The following RHOBTB1 variants were observed in gnomAD, a reference collection of about 807,000 sequenced individuals.
RHOBTB1 encodes rho-related BTB domain-containing protein 1.
Under a neutral mutation model 71.6 loss-of-function variants are expected in RHOBTB1, and 40 were observed. That is an observed-to-expected ratio of 0.56 (90% CI 0.43 to 0.73). The LOEUF is 0.73. Ranked by LOEUF, RHOBTB1 falls within the 30% of genes least tolerant of loss-of-function variation. The probability of loss-of-function intolerance (pLI) is 0.00; values close to 1 mark genes in which losing one functional copy is unlikely to be tolerated. For synonymous variants in RHOBTB1, 319 were observed against 334.9 expected (o/e 0.95, Z 0.52); for missense variants, 797 against 894.0 (o/e 0.89, Z 1.38).
chr10:60,911,440 C>T lies in RHOBTB1; in HGVS notation c.103G>A (p.Ala35Thr). 1 of 1,614,190 alleles carries T rather than the reference C, an allele frequency of 6.2e-7. No homozygotes were observed. Among genetic ancestry groups the T allele is most frequent in the Admixed American group, 1.7e-5 (1 of 60,024 alleles). Residue 35 changes from alanine to threonine, a missense_variant, in exon 3 of 11, where the codon GCG becomes ACG. This residue lies in a region of RHOBTB1 where 139 missense variants were observed against 212.5 expected (regional missense o/e 0.65). Coordinates refer to ENST00000337910, the MANE Select transcript of RHOBTB1 (RefSeq NM_014836.5). ...VGKTRLICARACNTTLTQYQL... is the reference protein window; with the variant it reads ...VGKTRLICARTCNTTLTQYQL... ...TACTGCGTGAGTGTGGTGTTGCACG[C>T]CCTGGCACAGATCAAGCGCGTCTTC... is the stretch of plus-strand genomic sequence containing the variant.
At chr10:60,988,299 T>A (rs958915085) in intron 1 of RHOBTB1, among the ~76,000 whole-genome samples, 1 of 152,194 alleles carries the variant, frequency 6.6e-6, no homozygotes, top group Non-Finnish European at 1.5e-5. Flanking sequence ...TTTTATTTTT[T>A]AAAAAATATA....
chr10:60,861,992 C>T, the RHOBTB1 span, among the ~76,000 whole-genome samples: 1 of 152,088 alleles, frequency 6.6e-6, no homozygotes. Flanking sequence ...TGGAGAAGAT[C>T]TTTGTTAGTT....
intron 2 of RHOBTB1, among the ~76,000 whole-genome samples, chr10:60,929,882 A>G (rs554570988): frequency 1.3e-5 from 2 of 152,272 alleles, no homozygotes; most frequent in East Asian, 3.9e-4. Flanking sequence ...AATATCCCAC[A>G]TTTTTTAAAC....
chr10:60,910,322 C>CT (rs2082901785), intron 4 of RHOBTB1, among the ~76,000 whole-genome samples: 1 of 151,966 alleles, frequency 6.6e-6, no homozygotes, highest in African/African-American at 2.4e-5. Flanking sequence ...TTTTTTTCTC[C>CT]TTTTTAAAAA....
At chr10:60,867,791 A>G (rs1463344832), downstream of RHOBTB1, among the ~76,000 whole-genome samples, 4 of 152,232 alleles carry the variant, frequency 2.6e-5, no homozygotes, top group African/African-American at 9.6e-5. Flanking sequence ...TTACTTCTAC[A>G]GAAGTGTAGC....
intron 1 of RHOBTB1, among the ~76,000 whole-genome samples, chr10:60,993,593 T>C (rs1022228867): frequency 2.0e-5 from 3 of 152,180 alleles, no homozygotes; most frequent in Non-Finnish European, 1.5e-5. Flanking sequence ...ATTTTCAGTA[T>C]GAATCTCTCT....
chr10:60,900,821 GCCATGTAATA>G (rs1298076117), intron 4 of RHOBTB1, among the ~76,000 whole-genome samples: 1 of 152,118 alleles, frequency 6.6e-6, no homozygotes, highest in African/African-American at 2.4e-5. Context: ...CTGAAAGACT[GCCATGTAATA>G]CCTCTGGTAT....
At chr10:60,949,590 C>A (rs1194538018) in intron 2 of RHOBTB1, among the ~76,000 whole-genome samples, 1 of 150,238 alleles carries the variant, frequency 6.7e-6, no homozygotes, top group East Asian at 2.0e-4. Context: ...TTCCTAAAAG[C>A]TACAGCTGGA....
At chr10:60,872,349 A>C in intron 9 of RHOBTB1, 59 bp from the exon 10 acceptor site, 1 of 1,234,246 alleles carries the variant, frequency 8.1e-7, no homozygotes, top group East Asian at 2.3e-5. Context: ...GCTACAAAGA[A>C]ATTGGGGAAG....
intron 2 of RHOBTB1, among the ~76,000 whole-genome samples, chr10:60,914,699 T>C (rs2083177459): frequency 6.6e-6 from 1 of 152,158 alleles, no homozygotes; most frequent in Admixed American, 6.5e-5. Context: ...GAAGATTACT[T>C]TGAGAGTAAC....
At chr10:60,890,657 T>C (rs2081872396) in intron 5 of RHOBTB1, among the ~76,000 whole-genome samples, 1 of 152,166 alleles carries the variant, frequency 6.6e-6, no homozygotes. Flanking sequence ...ATATTTGGCC[T>C]TTAACACCAA....
At chr10:60,878,630 A>C (rs1306593131) in intron 7 of RHOBTB1, among the ~76,000 whole-genome samples, 2 of 152,376 alleles carry the variant, frequency 1.3e-5, no homozygotes, top group East Asian at 3.9e-4. Flanking sequence ...GAACTACTGG[A>C]ACGTTATCAG....
chr10:60,973,044 C>T (rs2086212135), intron 2 of RHOBTB1, among the ~76,000 whole-genome samples: 1 of 151,932 alleles, frequency 6.6e-6, no homozygotes. Flanking sequence ...GCAACAAAGG[C>T]AAAAGCCAAG....
chr10:60,962,174 A>G (rs116366278), intron 2 of RHOBTB1, among the ~76,000 whole-genome samples: 406 of 152,212 alleles, frequency 2.7e-3, no homozygotes, highest in African/African-American at 9.4e-3. Context: ...GGAAATTTTC[A>G]TAATGAGCCA....
At chr10:60,896,468 C>T (rs1473972980) in intron 4 of RHOBTB1, among the ~76,000 whole-genome samples, 1 of 152,120 alleles carries the variant, frequency 6.6e-6, no homozygotes, top group Non-Finnish European at 1.5e-5. Flanking sequence ...GGGTAAAAAG[C>T]ATAAGAATTC....
At chr10:60,969,210 A>G (rs977389187) in intron 2 of RHOBTB1, among the ~76,000 whole-genome samples, 7 of 152,116 alleles carry the variant, frequency 4.6e-5, no homozygotes, top group Admixed American at 6.6e-5. Flanking sequence ...CAAAACAAAC[A>G]AAAAACCTAA....
At chr10:60,874,565 C>T (rs575481269) in intron 9 of RHOBTB1, among the ~76,000 whole-genome samples, 30 of 152,300 alleles carry the variant, frequency 2.0e-4, no homozygotes, top group African/African-American at 7.0e-4. Flanking sequence ...AGAACAGCTG[C>T]AATGAGATGT....
chr10:60,970,545 C>A (rs1460119282), intron 2 of RHOBTB1, among the ~76,000 whole-genome samples: 1 of 151,966 alleles, frequency 6.6e-6, no homozygotes, highest in African/African-American at 2.4e-5. Context: ...TCACATTTAC[C>A]TGAGGAACTA....
rs762038663 is a variant in RHOBTB1 at position 60,911,509 on chromosome 10, C to T, written c.34G>A (p.Val12Ile). 1.8e-5 allele frequency: 29 copies of T among 1,614,080 alleles called. No homozygotes were observed. The highest frequency in any genetic ancestry group is 2.2e-5 in the East Asian group (1 of 44,890). Residue 12 changes from valine to isoleucine, a missense_variant, in exon 3 of 11, where the codon GTT (valine) becomes ATT (isoleucine). Physicochemically the swap from Val to Ile is conservative, Grantham distance 29 (BLOSUM62 3). This residue lies in a region of RHOBTB1 where 139 missense variants were observed against 212.5 expected (regional missense o/e 0.65). Coordinates refer to ENST00000337910, the MANE Select transcript of RHOBTB1 (RefSeq NM_014836.5). The part of the protein sequence containing the change: ...DADMDYERPN[V>I]ETIKCVVVGD... ...ACGACCACACATTTGATAGTTTCAA[C>T]GTTGGGTCTTTCGTAGTCCATGTCA... is the stretch of plus-strand genomic sequence containing the variant.
Sources: allele counts gnomAD v4.1 joint callset (sites outside exome capture counted in the v4.1 genomes callset), GRCh38; gene constraint gnomAD v4.1.1; regional missense constraint gnomAD v4.1.1; transcripts MANE v1.5; gene names NCBI Gene and HGNC (gene_info 2026-07-23, HGNC 2026-07-21).